Variants in RASGRF1 observed in about 807,000 individuals in gnomAD.
The protein encoded by RASGRF1 is ras-specific guanine nucleotide-releasing factor 1.
A neutral mutation model predicts 138.7 loss-of-function variants in RASGRF1; 40 were observed. That is an observed-to-expected ratio of 0.29 (90% CI 0.22 to 0.38). The LOEUF is 0.38. Among genes scored for constraint, RASGRF1 ranks in the 10% least tolerant of loss-of-function variants. RASGRF1 has a pLI of 1.00. For missense variants in RASGRF1, 1,108 were observed against 1,650.4 expected, an observed-to-expected ratio of 0.67 and a Z score of 5.69; for synonymous variants, 614 against 663.2, an observed-to-expected ratio of 0.93 and a Z score of 1.14.
At chr15:79,049,408 T>C in intron 4 of RASGRF1, 88 bp downstream of exon 4, 1 of 1,238,364 alleles carries the variant, frequency 8.1e-7, no homozygotes, top group South Asian at 1.3e-5. Context: ...CTGAGGACAG[T>C]GGGGCTGTGG....
At chr15:78,978,215 C>CTTTTTTTTTTTTTTTTTT (rs2055915117) in intron 24 of RASGRF1, among the ~76,000 whole-genome samples, 10 of 79,338 alleles carry the variant, frequency 1.3e-4, no homozygotes, top group African/African-American at 5.1e-4. Context: ...TTTTTCTTTT[C>CTTTTTTTTTTTTTTTTTT]TTTTGTTTTT....
chr15:78,984,844 T>C, intron 23 of RASGRF1, 163 bp downstream of exon 23: 1 of 740,656 alleles, frequency 1.4e-6, no homozygotes, highest in Non-Finnish European at 2.3e-6. Context: ...TGCTATCTGG[T>C]CCCAGGTGAT....
In RASGRF1 at chr15:79,032,110, G is replaced by T; in HGVS notation, c.1152+13C>A. On this transcript the variant is annotated intron_variant, in intron 7 of 26. Coordinates refer to ENST00000558480, the MANE Select transcript of RASGRF1 (RefSeq NM_001145648.3). This position sits in a 1 kb window ranked among gnomAD's most constrained non-coding sequence, Gnocchi z 4.5. The stretch of plus-strand genomic sequence containing the variant: ...CCCTGACTCTACCCCACCCAGGCAG[G>T]GCCGGACGCCACCTGGAACATGGGG... The T allele has an allele frequency of 6.2e-7, 1 of 1,611,840 alleles. No individual in the cohort carries two copies. The highest frequency in any genetic ancestry group is 8.5e-7 in the Non-Finnish European group (1 of 1,178,750).
At chr15:79,034,278 T>C (rs1312460395) in intron 6 of RASGRF1, among the ~76,000 whole-genome samples, 1 of 151,798 alleles carries the variant, frequency 6.6e-6, no homozygotes, top group African/African-American at 2.4e-5. Context: ...ATCTACCAAA[T>C]TAAGAAAGTG....
chr15:78,991,627 A>C, intron 21 of RASGRF1, 64 bp downstream of exon 21: 1 of 1,306,140 alleles, frequency 7.7e-7, no homozygotes, highest in Non-Finnish European at 1.1e-6. Flanking sequence ...GTGTGCTTCC[A>C]GGGTGCTGTC....
chr15:78,978,502 G>C, intron 24 of RASGRF1: 1 of 979,360 alleles, frequency 1.0e-6, no homozygotes, highest in Non-Finnish European at 1.2e-6. Context: ...TGGGATTATA[G>C]GCATGAGCCA....
chr15:79,047,746 A>C (rs528491457), intron 4 of RASGRF1, among the ~76,000 whole-genome samples: 17 of 152,262 alleles, frequency 1.1e-4, no homozygotes, highest in African/African-American at 4.1e-4. Context: ...ACACACACAC[A>C]GAGTTGTTTT....
At chr15:79,086,717 G>A (rs2057985573) in intron 1 of RASGRF1, among the ~76,000 whole-genome samples, 1 of 152,218 alleles carries the variant, frequency 6.6e-6, no homozygotes, top group African/African-American at 2.4e-5. Context: ...GTTGGGAAGA[G>A]TGAAAGGAGT....
chr15:79,065,363 A>T (rs2057663855), intron 1 of RASGRF1, among the ~76,000 whole-genome samples: 1 of 151,662 alleles, frequency 6.6e-6, no homozygotes, highest in African/African-American at 2.4e-5. Context: ...TCCAGAGCTC[A>T]TAGCATATTT....
intron 16 of RASGRF1, among the ~76,000 whole-genome samples, chr15:79,000,468 T>A (rs1300982135): frequency 1.3e-5 from 2 of 152,040 alleles, no homozygotes; most frequent in Non-Finnish European, 2.9e-5. Context: ...GTTTCAGTAG[T>A]CTCCTTTGAA....
At chr15:79,005,968 G>A (rs960260288) in intron 14 of RASGRF1, among the ~76,000 whole-genome samples, 2 of 152,166 alleles carry the variant, frequency 1.3e-5, no homozygotes, top group Non-Finnish European at 2.9e-5. Flanking sequence ...AGACTGAGCA[G>A]TAGCACCAGG....
intron 22 of RASGRF1, among the ~76,000 whole-genome samples, chr15:78,987,932 C>T (rs1455717142): frequency 6.6e-6 from 1 of 152,074 alleles, no homozygotes; most frequent in Non-Finnish European, 1.5e-5. Flanking sequence ...AAGATCCTGG[C>T]CAGTACCAGT....
Position 79,011,233 on chromosome 15 carries a change from C to T in RASGRF1, c.1826+4094G>A, listed in dbSNP as rs569038739. On this transcript the variant is annotated intron_variant, in intron 13 of 26. Coordinates refer to ENST00000558480, the MANE Select transcript of RASGRF1 (RefSeq NM_001145648.3). ...TTACCGTGATCTGACCCTTGCCCAC[C>T]GCCAGCCCCATCTTTCACTATGTCA... Among the ~76,000 whole-genome samples the T allele has an allele frequency of 6.6e-5, 10 of 152,188 alleles. 1 individual carries two copies. The South Asian group carries it at 1.9e-3, about 28-fold the overall frequency.
chr15:79,004,667 C>A lies in RASGRF1; in HGVS notation c.2076-492G>T, dbSNP rs141446077. The A allele has an allele frequency of 4.1e-6, 4 of 986,716 alleles. No individual in the cohort carries two copies. The East Asian group carries it at 3.4e-4, about 84-fold the overall frequency. 61.1% of individuals were successfully genotyped at this position (986,716 alleles called of 1,614,324 possible). On this transcript the variant is annotated intron_variant, in intron 14 of 26. Coordinates refer to ENST00000558480, the MANE Select transcript of RASGRF1 (RefSeq NM_001145648.3). ...CTTTCCACCTGCTTTGGGGCTTGAGCGGCCCTATATGCAAACTTAGGGGGA... is the reference window on the plus strand; with the variant it reads ...CTTTCCACCTGCTTTGGGGCTTGAGAGGCCCTATATGCAAACTTAGGGGGA...
chr15:79,012,409 A>G, intron 13 of RASGRF1: 5 of 1,041,134 alleles, frequency 4.8e-6, no homozygotes, highest in South Asian at 2.7e-5. Flanking sequence ...TACAGCATGC[A>G]CTACACTGCT....
Position 79,003,951 on chromosome 15 carries a change from G to A in RASGRF1, c.2300C>T (p.Thr767Ile). The change falls in exon 15 of 27, where the codon ACC becomes ATC. Residue 767 changes from threonine (T) to isoleucine (I), a missense_variant. Physicochemically the swap from Thr to Ile is moderately conservative, Grantham distance 89. This residue lies in a region of RASGRF1 where 686 missense variants were observed against 976.7 expected (regional missense o/e 0.70). Transcript: ENST00000558480. Reference protein sequence around the residue: ...AALSCNSNGYTSMYSAMSPFS... With the variant: ...AALSCNSNGYISMYSAMSPFS... The stretch of plus-strand genomic sequence containing the variant: ...GGGTGACATGGCCGAGTACATGCTG[G>A]TGTAGCCATTGGAGTTGCAGCTGAG... 6.2e-7 allele frequency: 1 copy of A among 1,614,166 alleles called. No homozygotes were observed. Among genetic ancestry groups the A allele is most frequent in the Non-Finnish European group, 8.5e-7 (1 of 1,179,984 alleles).
chr15:78,984,620 CGGAAGGGTCCTCCGAT>C (rs1195961872), intron 23 of RASGRF1: 11 of 275,102 alleles, frequency 4.0e-5, no homozygotes, highest in Admixed American at 9.1e-5. Context: ...TGTCCTCTGA[CGGAAGGGTCCTCCGAT>C]GGAAGGGTCC....
In RASGRF1 at chr15:79,032,187, T is replaced by C; in HGVS notation, c.1088A>G (p.Tyr363Cys). Residue 363 changes from tyrosine to cysteine, a missense_variant, in exon 7 of 27, where the codon TAC (tyrosine) becomes TGC (cysteine). By Grantham distance (194) the Tyr-to-Cys change is radical. Coordinates refer to ENST00000558480, the MANE Select transcript of RASGRF1 (RefSeq NM_001145648.3). This position sits in a 1 kb window ranked among gnomAD's most constrained non-coding sequence, Gnocchi z 4.5. Reference protein sequence around the residue: ...NRDFDKLLKHYEAKPDCEERT... With the variant: ...NRDFDKLLKHCEAKPDCEERT... The stretch of plus-strand genomic sequence containing the variant: ...CTCCTCGCAGTCAGGCTTGGCCTCG[T>C]AGTGCTTCAGCAGCTTGTCGAAGTC... The C allele has an allele frequency of 6.2e-7, 1 of 1,614,078 alleles. No homozygotes were observed. The highest frequency in any genetic ancestry group is 8.5e-7 in the Non-Finnish European group (1 of 1,179,960).
chr15:79,024,603 ATTC>A (rs1317928770), intron 10 of RASGRF1, among the ~76,000 whole-genome samples: 1 of 152,146 alleles, frequency 6.6e-6, no homozygotes, highest in Non-Finnish European at 1.5e-5. Context: ...TTCCCATGCT[ATTC>A]TTGTGATATT....
Sources: gnomAD v4.1 joint callset for allele counts (sites outside exome capture counted in the v4.1 genomes callset) on GRCh38, gnomAD v4.1.1 for gene constraint, gnomAD v4.1.1 regional missense constraint, Gnocchi (gnomAD v3.1) non-coding constraint, MANE v1.5 for transcripts, NCBI Gene and HGNC (gene_info 2026-07-23, HGNC 2026-07-21) for gene names.